Variants in PLCB1 observed in about 807,000 individuals in gnomAD.
PLCB1 encodes 1-phosphatidylinositol 4,5-bisphosphate phosphodiesterase beta-1.
PLCB1 carries 46 observed loss-of-function variants against 161.8 expected under a neutral mutation model. That is an observed-to-expected ratio of 0.28 (90% CI 0.22 to 0.36). The LOEUF (loss-of-function observed/expected upper bound fraction) is 0.36. Ranked by LOEUF, PLCB1 falls within the 10% of genes least tolerant of loss-of-function variation. The pLI, the probability that PLCB1 is intolerant of heterozygous loss-of-function variation, is 1.00. For missense variants in PLCB1, 1,016 were observed against 1,472.5 expected (o/e 0.69, Z 5.07); for synonymous variants, 517 against 503.7 (o/e 1.03, Z -0.35).
At chr20:8,444,490 A>G (rs112838481) in intron 3 of PLCB1, among the ~76,000 whole-genome samples, 9,907 of 152,270 alleles carry the variant, frequency 0.065, 423 homozygotes, top group Middle Eastern at 0.13. Context: ...GCAATTGTGA[A>G]TAGTGCCGCA....
chr20:8,519,205 C>G (rs1412546184), intron 3 of PLCB1, among the ~76,000 whole-genome samples: 1 of 151,976 alleles, frequency 6.6e-6, no homozygotes, highest in Non-Finnish European at 1.5e-5. Flanking sequence ...CGAAAACAGA[C>G]ACACTCCTTG....
chr20:8,542,405 A>C (rs1229567378), intron 3 of PLCB1, among the ~76,000 whole-genome samples: 3 of 152,206 alleles, frequency 2.0e-5, no homozygotes, highest in Non-Finnish European at 1.5e-5. Context: ...TTGCCCCTAC[A>C]TCCTCCACAT....
At chr20:8,287,309 A>AT (rs1983165995) in intron 2 of PLCB1, among the ~76,000 whole-genome samples, 3 of 152,276 alleles carry the variant, frequency 2.0e-5, no homozygotes, top group African/African-American at 2.4e-5. Flanking sequence ...ATGTACATTG[A>AT]TTTTTTATAT....
intron 9 of PLCB1, among the ~76,000 whole-genome samples, chr20:8,677,730 C>T (rs868828713): frequency 3.3e-5 from 5 of 151,884 alleles, no homozygotes; most frequent in Admixed American, 2.6e-4. Context: ...ATTTTTCCCA[C>T]AAAAATCTTT....
intron 2 of PLCB1, among the ~76,000 whole-genome samples, chr20:8,303,522 T>C (rs1400588885): frequency 1.3e-5 from 2 of 152,202 alleles, no homozygotes; most frequent in Non-Finnish European, 2.9e-5. Context: ...TACTATCCTT[T>C]TTTGTACATA....
At chr20:8,662,412 T>C (rs1989694533) in intron 9 of PLCB1, among the ~76,000 whole-genome samples, 2 of 128,934 alleles carry the variant, frequency 1.6e-5, no homozygotes, top group Admixed American at 8.8e-5. Context: ...TAATTATGTA[T>C]AATATATAAT....
At chr20:8,762,217 A>G (rs1364817064) in intron 25 of PLCB1, among the ~76,000 whole-genome samples, 1 of 152,184 alleles carries the variant, frequency 6.6e-6, no homozygotes, top group African/African-American at 2.4e-5. Flanking sequence ...TCTCAAAAAA[A>G]GAAAGATTTA....
At chr20:8,465,370 A>AT (rs934265310) in intron 3 of PLCB1, among the ~76,000 whole-genome samples, 225 of 150,412 alleles carry the variant, frequency 1.5e-3, no homozygotes, top group Non-Finnish European at 2.2e-3. Context: ...CTCTTTGGAG[A>AT]TTTTTTTTTT....
intron 23 of PLCB1, among the ~76,000 whole-genome samples, chr20:8,742,628 A>T (rs1342925594): frequency 1.3e-5 from 2 of 152,170 alleles, no homozygotes; most frequent in Non-Finnish European, 2.9e-5. Context: ...TCTTTCATAA[A>T]ATGGGATAAT....
intron 3 of PLCB1, among the ~76,000 whole-genome samples, chr20:8,548,480 C>A (rs1985649873): frequency 7.0e-6 from 1 of 143,826 alleles, no homozygotes; most frequent in South Asian, 2.4e-4. Context: ...CATCATCTAT[C>A]TTTCTATCCT....
At chr20:8,851,977 A>C (rs913710988) in intron 31 of PLCB1, among the ~76,000 whole-genome samples, 1 of 152,208 alleles carries the variant, frequency 6.6e-6, no homozygotes, top group Non-Finnish European at 1.5e-5. Context: ...AGTGTGGTGT[A>C]TTCACATACT....
chr20:8,630,421 A>C (rs1988550583), intron 4 of PLCB1, among the ~76,000 whole-genome samples: 1 of 152,202 alleles, frequency 6.6e-6, no homozygotes, highest in African/African-American at 2.4e-5. Flanking sequence ...ACCAGTTTTA[A>C]TATTCTAATG....
chr20:8,820,967 T>G (rs1251854361), intron 31 of PLCB1, among the ~76,000 whole-genome samples: 1 of 152,228 alleles, frequency 6.6e-6, no homozygotes, highest in South Asian at 2.1e-4. Context: ...TACCAATCAA[T>G]TTTTTAAAGT....
intron 4 of PLCB1, among the ~76,000 whole-genome samples, chr20:8,629,999 T>TTTCC (rs1988527364): frequency 9.2e-6 from 1 of 108,332 alleles, no homozygotes; most frequent in Non-Finnish European, 1.9e-5. Flanking sequence ...TCTTTCTTTC[T>TTTCC]TTCTTTCTTT....
chr20:8,727,287 G>GT, intron 16 of PLCB1, 22 bp from the exon 17 acceptor site: 1 of 1,325,320 alleles, frequency 7.5e-7, no homozygotes, highest in Non-Finnish European at 1.1e-6. Context: ...CCCCTTTTTT[G>GT]TTTTGTTGTT....
intron 16 of PLCB1, among the ~76,000 whole-genome samples, chr20:8,725,826 C>A (rs1474317647): frequency 6.6e-6 from 1 of 152,102 alleles, no homozygotes; most frequent in Non-Finnish European, 1.5e-5. Context: ...TTCTTCAGAA[C>A]CTGGAAACAA....
intron 16 of PLCB1, among the ~76,000 whole-genome samples, chr20:8,725,199 A>G (rs185254443): frequency 3.8e-4 from 58 of 152,310 alleles, no homozygotes; most frequent in Middle Eastern, 3.4e-3. Flanking sequence ...GAACCAATTT[A>G]TCTATATTCC....
intron 3 of PLCB1, among the ~76,000 whole-genome samples, chr20:8,381,333 AT>A (rs1987246944): frequency 6.6e-6 from 1 of 152,162 alleles, no homozygotes; most frequent in African/African-American, 2.4e-5. Context: ...GTGCTGCTGG[AT>A]TTAGTTTGCA....
chr20:8,801,661 G>T (rs1293343985), intron 31 of PLCB1, among the ~76,000 whole-genome samples: 2 of 152,184 alleles, frequency 1.3e-5, no homozygotes, highest in African/African-American at 4.8e-5. Flanking sequence ...GGGGAGAAAA[G>T]TAGTGCCCTT....
Sources: allele counts gnomAD v4.1 joint callset (sites outside exome capture counted in the v4.1 genomes callset), GRCh38; gene constraint gnomAD v4.1.1; transcripts MANE v1.5; gene names NCBI Gene and HGNC (gene_info 2026-07-23, HGNC 2026-07-21).